TRPC4AP: variants seen among roughly 807,000 people sequenced by gnomAD.
The protein encoded by TRPC4AP is short transient receptor potential channel 4-associated protein.
A neutral mutation model predicts 99.0 loss-of-function variants in TRPC4AP; 45 were observed. The ratio of observed to expected loss-of-function variants is 0.45; its 90% confidence interval spans 0.36 to 0.58. The LOEUF is 0.58. TRPC4AP is among the 20% of genes least tolerant of loss of function. The pLI is 0.00. For missense variants in TRPC4AP, 879 were observed against 985.3 expected, an observed-to-expected ratio of 0.89 and a Z score of 1.44; for synonymous variants, 408 against 385.8, an observed-to-expected ratio of 1.06 and a Z score of -0.67.
Position 35,008,757 on chromosome 20 carries a change from A to G in TRPC4AP, c.1512-10T>C, listed in dbSNP as rs2082566370. Reference sequence around the variant, plus strand: ...ATCACACACCAAACTCCTGAAATAGAAGAGAGATATTGGTGACAGATCTGA... The same window carrying G: ...ATCACACACCAAACTCCTGAAATAGGAGAGAGATATTGGTGACAGATCTGA... On this transcript the variant is annotated splice_polypyrimidine_tract_variant and intron_variant, in intron 12 of 18. Transcript: ENST00000252015. 1.9e-6 allele frequency: 3 copies of G among 1,612,696 alleles called. No homozygotes were observed. Among genetic ancestry groups the G allele is most frequent in the Admixed American group, 3.3e-5 (2 of 59,882 alleles).
rs201508653 is a variant in TRPC4AP at position 35,086,487 on chromosome 20, A to G, written c.168+6127T>C. 9.0e-4 allele frequency among the ~76,000 whole-genome samples: 76 copies of G among 84,346 alleles called. 2 individuals are homozygous for G. The highest frequency in any genetic ancestry group is 3.1e-3 in the African/African-American group (36 of 11,476). 55.3% of individuals were successfully genotyped at this position (84,346 alleles called of 152,430 possible). On this transcript the variant is annotated intron_variant, in intron 1 of 18. Transcript: ENST00000252015. ...TGTGTGTGTGTGTGTATGTGTGTGTATATATATATGTGTATATATATGTGT... is the reference window on the plus strand; with the variant it reads ...TGTGTGTGTGTGTGTATGTGTGTGTGTATATATATGTGTATATATATGTGT...
chr20:35,092,775 C>T lies in TRPC4AP; in HGVS notation c.7G>A (p.Ala3Thr). 5 of 1,537,036 alleles carry T rather than the reference C, an allele frequency of 3.3e-6. No individual in the cohort carries two copies. Among genetic ancestry groups the T allele is most frequent in the Non-Finnish European group, 4.3e-6 (5 of 1,154,146 alleles). The change falls in exon 1 of 19, where the codon GCG becomes ACG. Residue 3 changes from alanine to threonine, a missense_variant. Transcript: ENST00000252015. ...CCAGACCCAGCCGCTACCGGCGCCG[C>T]CGCCATGTCTCCTCGTCGGACAAAC... Reference protein sequence around the residue: MAAAPVAAGSGAG... With the variant: MATAPVAAGSGAG...
intron 7 of TRPC4AP, 134 bp from the exon 8 acceptor site, chr20:35,035,442 G>T: frequency 3.0e-6 from 3 of 999,002 alleles, no homozygotes; most frequent in East Asian, 2.7e-5. Flanking sequence ...CTTTTAAAAT[G>T]AATGTCAAAC....
At chr20:35,045,352 C>A (rs973101185) in intron 6 of TRPC4AP, among the ~76,000 whole-genome samples, 1 of 152,124 alleles carries the variant, frequency 6.6e-6, no homozygotes, top group Non-Finnish European at 1.5e-5. Context: ...CACTTCCCGC[C>A]GTTTTACCCC....
rs144147086 is a variant in TRPC4AP at position 35,006,406 on chromosome 20, C to T, written c.1827+29G>A. The T allele has an allele frequency of 1.1e-3, 1,817 of 1,611,280 alleles. 3 individuals are homozygous for T. The highest frequency in any genetic ancestry group is 1.4e-3 in the Non-Finnish European group (1,598 of 1,178,096). ...AGGTGAACTTCTGGACAACCCAGCA[C>T]ACTCCACAGAGCCCTGGGTTAACTT... On this transcript the variant is annotated intron_variant, in intron 15 of 18. Coordinates refer to ENST00000252015, the MANE Select transcript of TRPC4AP (RefSeq NM_015638.3).
chr20:35,030,037 A>C (rs6120801), intron 8 of TRPC4AP, among the ~76,000 whole-genome samples: 148,107 of 148,120 alleles, frequency 1, 74,047 homozygotes, highest in Middle Eastern at 1. Flanking sequence ...AGGTCAGGAG[A>C]TCGAGACCAG....
intron 3 of TRPC4AP, among the ~76,000 whole-genome samples, chr20:35,063,429 G>A (rs753761664): frequency 1.4e-4 from 22 of 152,222 alleles, no homozygotes; most frequent in Non-Finnish European, 2.9e-4. Flanking sequence ...CAGAGCTGGG[G>A]AGAAGGGGAG....
intron 9 of TRPC4AP, among the ~76,000 whole-genome samples, chr20:35,019,139 G>C (rs2147291707): frequency 6.6e-6 from 1 of 152,324 alleles, no homozygotes; most frequent in South Asian, 2.1e-4. Flanking sequence ...CCTTCTGTGA[G>C]GCCTGGCCAA....
chr20:35,077,268 T>C (rs546872806), intron 2 of TRPC4AP, among the ~76,000 whole-genome samples: 1 of 152,234 alleles, frequency 6.6e-6, no homozygotes, highest in East Asian at 1.9e-4. Flanking sequence ...CTGCACCCAC[T>C]GTCTGACAAG....
chr20:35,072,250 T>C (rs1488252481), intron 2 of TRPC4AP, among the ~76,000 whole-genome samples: 14 of 152,200 alleles, frequency 9.2e-5, no homozygotes, highest in Admixed American at 8.5e-4. Flanking sequence ...ACTCTGATGG[T>C]AGTTTCTTTT....
At chr20:35,006,707 G>T in intron 14 of TRPC4AP, 132 bp from the exon 15 acceptor site, 1 of 1,222,452 alleles carries the variant, frequency 8.2e-7, no homozygotes, top group Non-Finnish European at 1.1e-6. Flanking sequence ...CTAGATTCTT[G>T]TCTGAGGATG....
chr20:35,063,167 T>G (rs1349934452), intron 3 of TRPC4AP, among the ~76,000 whole-genome samples: 5 of 152,242 alleles, frequency 3.3e-5, no homozygotes, highest in Non-Finnish European at 7.3e-5. Context: ...CTGCTTGCAC[T>G]CACTCTGTCC....
At chr20:35,084,596 A>G (rs1041136361) in intron 1 of TRPC4AP, among the ~76,000 whole-genome samples, 4 of 131,702 alleles carry the variant, frequency 3.0e-5, no homozygotes, top group Non-Finnish European at 6.5e-5. Flanking sequence ...TTATATGCAT[A>G]TATGTGTATA....
rs145462116 is a variant in TRPC4AP, at chr20:35,003,611, G to A, written c.2055C>T (p.Asn685=). The part of the protein sequence containing the change: ...IIHVQTLTQE[N]VSCLNTSLVI... ...CCAGGCTGGTGTTGAGGCAGCTGAC[G>A]TTCTCCTGCAAGGCCACAGGCCCAC... is the stretch of plus-strand genomic sequence containing the variant. The change falls in exon 18 of 19, where the codon AAC becomes AAT. Residue 685 remains asparagine (N), a synonymous_variant. Coordinates refer to ENST00000252015, the MANE Select transcript of TRPC4AP (RefSeq NM_015638.3). 72 of 1,613,346 alleles carry A rather than the reference G, an allele frequency of 4.5e-5. No homozygotes were observed. In the African/African-American group the frequency reaches 4.9e-4, roughly 11 times the overall value.
intron 14 of TRPC4AP, among the ~76,000 whole-genome samples, chr20:35,006,980 A>AC (rs1413350910): frequency 6.6e-6 from 1 of 152,202 alleles, no homozygotes; most frequent in Admixed American, 6.5e-5. Context: ...ACACATTTTG[A>AC]CCCCATGGTT....
chr20:35,022,445 G>T (rs746647485), intron 8 of TRPC4AP, among the ~76,000 whole-genome samples: 2 of 152,134 alleles, frequency 1.3e-5, no homozygotes, highest in Non-Finnish European at 2.9e-5. Context: ...CGTGAGCCAC[G>T]GTGCCCAGCG....
chr20:35,038,834 A>C (rs1442368026), intron 7 of TRPC4AP, among the ~76,000 whole-genome samples: 1 of 152,202 alleles, frequency 6.6e-6, no homozygotes, highest in Non-Finnish European at 1.5e-5. Context: ...GCACTTTGGG[A>C]GGCCGAGGTG....
rs1434250174 is a variant in TRPC4AP at position 35,086,477 on chromosome 20, ATGTGTGTG to A, written c.168+6129_168+6136del. Among the ~76,000 whole-genome samples the A allele has an allele frequency of 3.0e-4, 19 of 64,324 alleles. 1 individual carries two copies. Among genetic ancestry groups the A allele is most frequent in the Middle Eastern group, 0.01 (1 of 98 alleles). The allele number at this position is 64,324 out of a possible 152,430, so 42.2% of individuals were successfully genotyped here. A position where few individuals can be genotyped will look rare whatever the true frequency, so the allele number is the denominator to read the frequency against. On this transcript the variant is annotated intron_variant, in intron 1 of 18. Coordinates refer to ENST00000252015, the MANE Select transcript of TRPC4AP (RefSeq NM_015638.3). The stretch of plus-strand genomic sequence containing the variant: ...TGTGTGTGTGTGTGTGTGTGTGTGT[ATGTGTGTG>A]TATATATATATGTGTATATATATGT...
At chr20:35,064,793 C>T (rs1412228390) in intron 3 of TRPC4AP, among the ~76,000 whole-genome samples, 1 of 152,228 alleles carries the variant, frequency 6.6e-6, no homozygotes, top group Non-Finnish European at 1.5e-5. Context: ...CTGTTTTCAT[C>T]ATGAATTTTC....
Sources: gnomAD v4.1 joint callset for allele counts (sites outside exome capture counted in the v4.1 genomes callset) on GRCh38, gnomAD v4.1.1 for gene constraint, MANE v1.5 for transcripts, NCBI Gene and HGNC (gene_info 2026-07-23, HGNC 2026-07-21) for gene names.